STPG2: variants seen among roughly 807,000 people sequenced by gnomAD.
STPG2 encodes the protein sperm-tail PG-rich repeat-containing protein 2.
STPG2 carries 56 observed loss-of-function variants against 54.2 expected under a neutral mutation model. That is an observed-to-expected ratio of 1.03 (90% CI 0.83 to 1.29). The LOEUF is 1.29. STPG2 is among the 50% of genes most tolerant of loss of function. STPG2 has a pLI of 0.00. For missense variants in STPG2, 596 were observed against 544.9 expected (o/e 1.09, Z -0.93); for synonymous variants, 200 against 181.8 (o/e 1.10, Z -0.81).
intron 9 of STPG2, among the ~76,000 whole-genome samples, chr4:97,733,974 T>C (rs1275658049): frequency 2.6e-5 from 4 of 152,198 alleles, no homozygotes; most frequent in Non-Finnish European, 4.4e-5. Context: ...CCCTTCTTCC[T>C]TTCTGATTTG....
chr4:97,739,279 C>G (rs1261383699), intron 9 of STPG2, among the ~76,000 whole-genome samples: 2 of 152,056 alleles, frequency 1.3e-5, no homozygotes, highest in African/African-American at 4.8e-5. Context: ...CCAAAATTGA[C>G]ACCCTAACAT....
intron 3 of STPG2, among the ~76,000 whole-genome samples, chr4:98,127,500 T>C (rs925794946): frequency 6.6e-6 from 1 of 152,146 alleles, no homozygotes; most frequent in African/African-American, 2.4e-5. Context: ...TCAAGATAAA[T>C]ACTGAGAATG....
At chr4:97,601,244 C>T (rs1363016708) in intron 10 of STPG2, among the ~76,000 whole-genome samples, 13 of 151,938 alleles carry the variant, frequency 8.6e-5, no homozygotes, top group Non-Finnish European at 1.9e-4. Flanking sequence ...GCCTTTAAGT[C>T]AAGGGAGAAT....
chr4:98,011,634 CT>C (rs1735754470), intron 5 of STPG2, among the ~76,000 whole-genome samples: 1 of 152,138 alleles, frequency 6.6e-6, no homozygotes, highest in Admixed American at 6.6e-5. Context: ...TGTTTCTTGA[CT>C]TTTTAATAAT....
chr4:97,509,242 T>C (rs537802811), intron 4 of STPG2, among the ~76,000 whole-genome samples: 7 of 152,046 alleles, frequency 4.6e-5, no homozygotes, highest in South Asian at 2.1e-4. Flanking sequence ...TTTTTTTTTT[T>C]CCCCAGAATT....
At chr4:97,883,503 C>T (rs1397636638) in intron 8 of STPG2, among the ~76,000 whole-genome samples, 1 of 151,822 alleles carries the variant, frequency 6.6e-6, no homozygotes. Flanking sequence ...ATGATAAAGC[C>T]TTTAGTGGAA....
Position 97,660,041 on chromosome 4 carries a change from C to T in STPG2, c.1320+52658G>A, listed in dbSNP as rs573368331. ...TTTTTGAGACGGAGTCTCGCTCTGT[C>T]GCCCAGGCTGGAGTGCAGTGGCGCA... is the stretch of plus-strand genomic sequence containing the variant. On this transcript the variant is annotated intron_variant, in intron 10 of 10. Transcript: ENST00000295268. 3.8e-3 allele frequency among the ~76,000 whole-genome samples: 562 copies of T among 148,336 alleles called. 1 individual carries two copies. The highest frequency in any genetic ancestry group is 0.013 in the African/African-American group (533 of 40,314).
intron 3 of STPG2, among the ~76,000 whole-genome samples, chr4:98,112,002 T>C (rs915034769): frequency 1.3e-5 from 2 of 152,048 alleles, no homozygotes; most frequent in African/African-American, 4.8e-5. Flanking sequence ...CCCGTGGTTC[T>C]CAGGCCTTCA....
At chr4:97,789,208 A>AG (rs1179484769) in intron 9 of STPG2, among the ~76,000 whole-genome samples, 1 of 152,008 alleles carries the variant, frequency 6.6e-6, no homozygotes, top group Non-Finnish European at 1.5e-5. Context: ...GGAAATTAAG[A>AG]GAAAAAAAGA....
At chr4:97,738,364 T>C (rs991035293) in intron 9 of STPG2, among the ~76,000 whole-genome samples, 2 of 152,100 alleles carry the variant, frequency 1.3e-5, no homozygotes, top group Admixed American at 1.3e-4. Context: ...CATAACAATA[T>C]TAACTTTAAA....
intron 10 of STPG2, among the ~76,000 whole-genome samples, chr4:97,676,941 CAG>C (rs1214238005): frequency 6.6e-6 from 1 of 152,126 alleles, no homozygotes; most frequent in African/African-American, 2.4e-5. Context: ...GTACTTTTAT[CAG>C]AGAGTAAGAA....
intron 8 of STPG2, among the ~76,000 whole-genome samples, chr4:97,885,698 A>C (rs1423490970): frequency 6.6e-6 from 1 of 152,210 alleles, no homozygotes; most frequent in Non-Finnish European, 1.5e-5. Context: ...TTCCACAAAT[A>C]CAATGGGCCA....
chr4:97,448,265 CT>C (rs1729277600), intron 4 of STPG2, among the ~76,000 whole-genome samples: 1 of 152,254 alleles, frequency 6.6e-6, no homozygotes, highest in Admixed American at 6.5e-5. Context: ...GGACTATGGG[CT>C]TTTGAGCTAA....
chr4:97,900,520 C>G (rs1396359898), intron 8 of STPG2, among the ~76,000 whole-genome samples: 1 of 152,040 alleles, frequency 6.6e-6, no homozygotes, highest in African/African-American at 2.4e-5. Context: ...ATGGAATCAA[C>G]CTCAGTGACC....
intron 5 of STPG2, among the ~76,000 whole-genome samples, chr4:98,001,391 G>A (rs576386699): frequency 7.3e-5 from 11 of 151,586 alleles, no homozygotes; most frequent in Admixed American, 2.0e-4. Flanking sequence ...GTAAATGTTC[G>A]GAGTTCATTA....
chr4:97,635,606 CAG>C, intron 10 of STPG2, among the ~76,000 whole-genome samples: 1 of 152,268 alleles, frequency 6.6e-6, no homozygotes, highest in Non-Finnish European at 1.5e-5. Flanking sequence ...GTCTCACGTG[CAG>C]AGACACATAT....
At chr4:97,796,477 T>C (rs1727184186) in intron 9 of STPG2, among the ~76,000 whole-genome samples, 1 of 152,214 alleles carries the variant, frequency 6.6e-6, no homozygotes, top group Non-Finnish European at 1.5e-5. Context: ...CCATTTCTTG[T>C]TTGTGTCAGG....
chr4:98,022,170 CATGTTT>C (rs1211581011), intron 5 of STPG2, among the ~76,000 whole-genome samples: 1 of 152,090 alleles, frequency 6.6e-6, no homozygotes, highest in Non-Finnish European at 1.5e-5. Context: ...TGTTCCTTTC[CATGTTT>C]AGTGCTTCCT....
chr4:97,678,028 C>A (rs1427686886), intron 10 of STPG2, among the ~76,000 whole-genome samples: 1 of 151,662 alleles, frequency 6.6e-6, no homozygotes, highest in Non-Finnish European at 1.5e-5. Flanking sequence ...GGAAAAAAGC[C>A]ATATAATTGT....
Sources: allele counts gnomAD v4.1 joint callset (sites outside exome capture counted in the v4.1 genomes callset), GRCh38; gene constraint gnomAD v4.1.1; transcripts MANE v1.5; gene names NCBI Gene and HGNC (gene_info 2026-07-23, HGNC 2026-07-21).